SEC22A: variants seen among roughly 807,000 people sequenced by gnomAD.
SEC22A encodes vesicle-trafficking protein SEC22a.
In SEC22A, 22 loss-of-function variants were observed where a neutral mutation model predicts 35.3. The ratio of observed to expected loss-of-function variants is 0.62; its 90% CI spans 0.45 to 0.89. SEC22A has a LOEUF of 0.89. SEC22A is among the 40% of genes least tolerant of loss of function. The probability of loss-of-function intolerance (pLI) is 0.00; values close to 1 mark genes in which losing one functional copy is unlikely to be tolerated. For synonymous variants in SEC22A, 119 were observed against 129.5 expected (o/e 0.92, Z 0.55); for missense variants, 354 against 362.5 (o/e 0.98, Z 0.19).
At chr3:123,265,187 G>A (rs1937999623) in intron 6 of SEC22A, among the ~76,000 whole-genome samples, 2 of 152,102 alleles carry the variant, frequency 1.3e-5, no homozygotes, top group Middle Eastern at 3.2e-3. Flanking sequence ...GTAATCTAGA[G>A]ATTAAAGTAT....
intron 2 of SEC22A, among the ~76,000 whole-genome samples, chr3:123,211,488 C>G (rs1352712691): frequency 6.6e-6 from 1 of 152,030 alleles, no homozygotes; most frequent in Non-Finnish European, 1.5e-5. Flanking sequence ...GACACTGGGG[C>G]TTGCTCTGTT....
At chr3:123,239,610 G>A (rs933626541) in intron 4 of SEC22A, among the ~76,000 whole-genome samples, 4 of 152,032 alleles carry the variant, frequency 2.6e-5, no homozygotes, top group African/African-American at 9.7e-5. Context: ...GTGTTTTTTG[G>A]CTGCATAAAT....
At chr3:123,264,302 A>T (rs79373778) in intron 6 of SEC22A, among the ~76,000 whole-genome samples, 140 of 152,258 alleles carry the variant, frequency 9.2e-4, no homozygotes, top group Non-Finnish European at 1.6e-3. Flanking sequence ...TTGTGCAGAC[A>T]TAAGTCTTCA....
At chr3:123,269,491 C>G (rs113064411) in intron 6 of SEC22A, among the ~76,000 whole-genome samples, 2 of 151,948 alleles carry the variant, frequency 1.3e-5, no homozygotes, top group Non-Finnish European at 2.9e-5. Context: ...ACATGTATTG[C>G]GTATCACCTC....
rs927501396 is a variant in SEC22A at position 123,272,640 on chromosome 3, C to T, written c.*918C>T. 6.5e-6 allele frequency: 1 copy of T among 152,686 alleles called. No homozygotes were observed. The highest frequency in any genetic ancestry group is 2.4e-5 in the African/African-American group (1 of 41,428). 9.5% of individuals were successfully genotyped at this position (152,686 alleles called of 1,614,324 possible). A position where few individuals can be genotyped will look rare whatever the true frequency, so the allele number is the denominator to read the frequency against. On this transcript the variant is annotated 3_prime_UTR_variant, in exon 7 of 7. Transcript: ENST00000492595. ...TAGAAACTAATGCCTAGAAAGGCTC[C>T]GAATCTTAGGCTCTTTCTTTGTGGC...
intron 4 of SEC22A, among the ~76,000 whole-genome samples, chr3:123,244,614 A>T (rs1054896269): frequency 2.6e-5 from 4 of 152,168 alleles, no homozygotes; most frequent in Non-Finnish European, 4.4e-5. Context: ...TTTCTGCTGA[A>T]CTTGGGGAAT....
intron 4 of SEC22A, among the ~76,000 whole-genome samples, chr3:123,236,685 AAGAT>A (rs1937424783): frequency 6.6e-6 from 1 of 152,216 alleles, no homozygotes; most frequent in Non-Finnish European, 1.5e-5. Flanking sequence ...TTCTTGGAAG[AAGAT>A]AGTGTCATAA....
chr3:123,246,341 A>AG (rs1937566420), intron 5 of SEC22A, among the ~76,000 whole-genome samples: 1 of 152,152 alleles, frequency 6.6e-6, no homozygotes, highest in Non-Finnish European at 1.5e-5. Context: ...AGAGTTGGGA[A>AG]GGGGGAGAGG....
At chr3:123,248,292 CTAAG>C (rs1937582389) in intron 5 of SEC22A, among the ~76,000 whole-genome samples, 1 of 152,094 alleles carries the variant, frequency 6.6e-6, no homozygotes, top group African/African-American at 2.4e-5. Context: ...GATGACATGA[CTAAG>C]TAGGATATTG....
At chr3:123,217,534 G>A (rs1937052009) in intron 2 of SEC22A, among the ~76,000 whole-genome samples, 2 of 144,290 alleles carry the variant, frequency 1.4e-5, no homozygotes, top group Non-Finnish European at 3.1e-5. Flanking sequence ...TTTATACTTG[G>A]CAAATTTAAC....
intron 4 of SEC22A, among the ~76,000 whole-genome samples, chr3:123,228,892 A>G (rs1937264186): frequency 6.6e-6 from 1 of 152,172 alleles, no homozygotes; most frequent in Non-Finnish European, 1.5e-5. Context: ...GGGCGTAACA[A>G]TAGATTTGAA....
At chr3:123,231,452 A>G (rs539053885) in intron 4 of SEC22A, among the ~76,000 whole-genome samples, 1 of 152,346 alleles carries the variant, frequency 6.6e-6, no homozygotes, top group East Asian at 1.9e-4. Context: ...CATAAATTTA[A>G]AAGGATAGAA....
At chr3:123,243,216 TA>T (rs377343134) in intron 4 of SEC22A, among the ~76,000 whole-genome samples, 28 of 131,652 alleles carry the variant, frequency 2.1e-4, no homozygotes, top group African/African-American at 8.2e-4. Flanking sequence ...GCAAATTATT[TA>T]ATGTCCCTAA....
chr3:123,270,219 A>C (rs1938127808), intron 6 of SEC22A, among the ~76,000 whole-genome samples: 1 of 152,228 alleles, frequency 6.6e-6, no homozygotes, highest in South Asian at 2.1e-4. Flanking sequence ...CTTTAACTCT[A>C]AAATTGTTTA....
intron 1 of SEC22A, among the ~76,000 whole-genome samples, chr3:123,207,754 A>C (rs1304799056): frequency 2.0e-5 from 3 of 152,214 alleles, no homozygotes; most frequent in South Asian, 4.1e-4. Flanking sequence ...TGAAAGGTTG[A>C]GTGACTGTTG....
intron 4 of SEC22A, among the ~76,000 whole-genome samples, chr3:123,237,831 G>T (rs1354584815): frequency 3.3e-5 from 5 of 151,560 alleles, no homozygotes; most frequent in Non-Finnish European, 5.9e-5. Flanking sequence ...CTTGGAAAAT[G>T]GGGAGAGTCT....
At chr3:123,256,274 G>A (rs144657910) in intron 5 of SEC22A, among the ~76,000 whole-genome samples, 30 of 152,232 alleles carry the variant, frequency 2.0e-4, no homozygotes, top group African/African-American at 7.2e-4. Context: ...ACTCTTTCCT[G>A]AAGCAGACTG....
At chr3:123,252,595 G>C (rs1179602351) in intron 5 of SEC22A, among the ~76,000 whole-genome samples, 1 of 152,120 alleles carries the variant, frequency 6.6e-6, no homozygotes, top group Non-Finnish European at 1.5e-5. Flanking sequence ...CTTTTTTAAA[G>C]CCATGAATTC....
intron 4 of SEC22A, among the ~76,000 whole-genome samples, chr3:123,243,429 C>T (rs1937542529): frequency 6.6e-6 from 1 of 152,126 alleles, no homozygotes; most frequent in African/African-American, 2.4e-5. Context: ...TCTCCCATTT[C>T]CATCTCCATC....
Sources: gnomAD v4.1 joint callset for allele counts (sites outside exome capture counted in the v4.1 genomes callset) on GRCh38, gnomAD v4.1.1 for gene constraint, MANE v1.5 for transcripts, NCBI Gene and HGNC (gene_info 2026-07-23, HGNC 2026-07-21) for gene names.